Variants in KRAS observed in about 807,000 individuals in gnomAD.
KRAS encodes the protein GTPase KRas.
Under a neutral mutation model 21.0 loss-of-function variants are expected in KRAS, and 1 was observed. The ratio of observed to expected loss-of-function variants is 0.05; its 90% CI spans 0.02 to 0.23. The LOEUF (loss-of-function observed/expected upper bound fraction) is 0.23. KRAS is among the 10% of genes least tolerant of loss of function. The probability of loss-of-function intolerance (pLI) is 1.00; values close to 1 mark genes in which losing one functional copy is unlikely to be tolerated. For missense variants in KRAS, 107 were observed against 221.8 expected, an observed-to-expected ratio of 0.48 and a Z score of 3.29; for synonymous variants, 67 against 72.5, an observed-to-expected ratio of 0.92 and a Z score of 0.39.
intron 2 of KRAS, chr12:25,235,340 A>G (rs1811475709): frequency 4.9e-6 from 2 of 404,260 alleles, no homozygotes; most frequent in Admixed American, 4.0e-5. Flanking sequence ...CTTTCCGTTT[A>G]TAAGCCATCA....
intron 4 of KRAS, among the ~76,000 whole-genome samples, chr12:25,214,616 T>C (rs1951233993): frequency 6.6e-6 from 1 of 152,116 alleles, no homozygotes; most frequent in African/African-American, 2.4e-5. Flanking sequence ...CTTGAACTCC[T>C]GACCTCAGGT....
chr12:25,235,912 T>C (rs1442318554), intron 2 of KRAS, among the ~76,000 whole-genome samples: 1 of 152,144 alleles, frequency 6.6e-6, no homozygotes, highest in Non-Finnish European at 1.5e-5. Context: ...CTAAGGAGTA[T>C]GCAACCTAGA....
chr12:25,205,940 C>T lies in KRAS; in HGVS notation c.*3855G>A, dbSNP rs1207398597. ...CTATCCAGTATTAACACAGAAGTTA[C>T]TAAATATAAATTCAGCTTTAAGGTA... On this transcript the variant is annotated 3_prime_UTR_variant, in exon 5 of 5. Coordinates refer to ENST00000311936, the MANE Select transcript of KRAS (RefSeq NM_004985.5). 2 of 214,294 alleles carry T rather than the reference C, an allele frequency of 9.3e-6. No individual in the cohort carries two copies. Among genetic ancestry groups the T allele is most frequent in the East Asian group, 1.4e-4 (2 of 14,148 alleles). The allele number at this position is 214,294 out of a possible 1,614,324, so 13.3% of individuals were successfully genotyped here.
At chr12:25,220,762 C>G (rs1233800933) in intron 4 of KRAS, among the ~76,000 whole-genome samples, 1 of 150,152 alleles carries the variant, frequency 6.7e-6, no homozygotes, top group Non-Finnish European at 1.5e-5. Flanking sequence ...CAGTGACTCA[C>G]GTCTGTAATC....
rs60570642 is a variant in KRAS, at chr12:25,222,864, A to G, written c.450+2750T>C. 3.5e-3 allele frequency among the ~76,000 whole-genome samples: 527 copies of G among 152,332 alleles called. 8 individuals are homozygous for G. The highest frequency in any genetic ancestry group is 0.012 in the African/African-American group (508 of 41,580). Reference sequence around the variant, plus strand: ...ATCATACAACCACCAAAAAGGAGACACAGCTATTTTAGGATATTATCAAAT... The same window carrying G: ...ATCATACAACCACCAAAAAGGAGACGCAGCTATTTTAGGATATTATCAAAT... On this transcript the variant is annotated intron_variant, in intron 4 of 4. Coordinates refer to ENST00000311936, the MANE Select transcript of KRAS (RefSeq NM_004985.5).
chr12:25,227,124 T>C (rs1391460629), intron 3 of KRAS, 110 bp downstream of exon 3: 1 of 709,984 alleles, frequency 1.4e-6, no homozygotes. Flanking sequence ...TCATAAACAT[T>C]ATTTAAAAAT....
rs565498789 is a variant in KRAS at position 25,250,776 on chromosome 12, G to A, written c.-37C>T. 9 of 205,318 alleles carry A rather than the reference G, an allele frequency of 4.4e-5. No homozygotes were observed. The highest frequency in any genetic ancestry group is 1.2e-4 in the Admixed American group (2 of 16,596). 12.7% of individuals were successfully genotyped at this position (205,318 alleles called of 1,614,324 possible). Reference sequence around the variant, plus strand: ...CTCTCTCCCGCACCTGGGAGCCGCTGAGCCTCTGGCCCCGCCGCCGCCTTC... The same window carrying A: ...CTCTCTCCCGCACCTGGGAGCCGCTAAGCCTCTGGCCCCGCCGCCGCCTTC... On this transcript the variant is annotated 5_prime_UTR_variant, in exon 1 of 5. Coordinates refer to ENST00000311936, the MANE Select transcript of KRAS (RefSeq NM_004985.5).
chr12:25,242,563 T>TTTTATGTAGCTTGTA (rs1951624149), intron 2 of KRAS, among the ~76,000 whole-genome samples: 17 of 152,256 alleles, frequency 1.1e-4, no homozygotes, highest in Admixed American at 9.2e-4. Flanking sequence ...CAATATATAC[T>TTTTATGTAGCTTGTA]TCACAATACA....
chr12:25,233,346 T>C (rs1257075366), intron 2 of KRAS, among the ~76,000 whole-genome samples: 1 of 151,238 alleles, frequency 6.6e-6, no homozygotes, highest in Non-Finnish European at 1.5e-5. Flanking sequence ...AGGTCAAGAG[T>C]TCAAGACCAG....
Position 25,208,147 on chromosome 12 carries a change from GAATAT to G in KRAS, c.*1643_*1647del, listed in dbSNP as rs1394435507. 1 of 226,426 alleles carries G rather than the reference GAATAT, an allele frequency of 4.4e-6. No individual in the cohort carries two copies. The highest frequency in any genetic ancestry group is 6.0e-5 in the Admixed American group (1 of 16,590). The allele number at this position is 226,426 out of a possible 1,614,324, so 14.0% of individuals were successfully genotyped here. A position where few individuals can be genotyped will look rare whatever the true frequency, so the allele number is the denominator to read the frequency against. On this transcript the variant is annotated 3_prime_UTR_variant, in exon 5 of 5. Transcript: ENST00000311936. ...AAATAAGTGTATCCTTATGTAAATG[GAATAT>G]AAATTACATAGTTGTAAAAAAAAAA...
At position 25,227,036 on chromosome 12, in the gene KRAS, C is replaced by T. The variant is rs1951402616; in HGVS notation, c.290+198G>A. On this transcript the variant is annotated intron_variant, in intron 3 of 4. Transcript: ENST00000311936. Reference sequence around the variant, plus strand: ...GTTTCAATCCCAGCACCACCACTACCGATGCAGTCTGGAGCAAGTTACTCC... The same window carrying T: ...GTTTCAATCCCAGCACCACCACTACTGATGCAGTCTGGAGCAAGTTACTCC... Among the ~76,000 whole-genome samples the T allele has an allele frequency of 3.9e-5, 6 of 152,184 alleles. No individual in the cohort carries two copies. In the South Asian group the frequency reaches 1.0e-3, roughly 26 times the overall value.
Position 25,228,178 on chromosome 12 carries a change from CT to C in KRAS, c.112-767del, listed in dbSNP as rs34584556. The stretch of plus-strand genomic sequence containing the variant: ...GATTTTGGATTTTTTTTTCTTTCAT[CT>C]TTTTTTTTTTTTTTTTTTTTTTGGA... On this transcript the variant is annotated intron_variant, in intron 2 of 4. Coordinates refer to ENST00000311936, the MANE Select transcript of KRAS (RefSeq NM_004985.5). 9.4e-3 allele frequency among the ~76,000 whole-genome samples: 722 copies of C among 76,766 alleles called. 6 individuals are homozygous for C. In the East Asian group the frequency reaches 0.11, roughly 11 times the overall value. 50.4% of individuals were successfully genotyped at this position (76,766 alleles called of 152,430 possible). A position where few individuals can be genotyped will look rare whatever the true frequency, so the allele number is the denominator to read the frequency against.
chr12:25,235,358 T>C, intron 2 of KRAS: 1 of 367,660 alleles, frequency 2.7e-6, no homozygotes, highest in Non-Finnish European at 5.0e-6. Flanking sequence ...TCAAAGACGG[T>C]TGTAGACTGT....
chr12:25,237,085 C>T (rs1951553229), intron 2 of KRAS, among the ~76,000 whole-genome samples: 1 of 152,102 alleles, frequency 6.6e-6, no homozygotes, highest in Non-Finnish European at 1.5e-5. Context: ...GAATGATCAA[C>T]AAGCAAAAAC....
intron 4 of KRAS, among the ~76,000 whole-genome samples, chr12:25,214,294 A>G (rs944752567): frequency 6.6e-6 from 1 of 152,216 alleles, no homozygotes; most frequent in South Asian, 2.1e-4. Flanking sequence ...GTTTTTAGAT[A>G]TAAGACCAAA....
rs200098607 is a variant in KRAS, at chr12:25,206,055, TA to T, written c.*3739del. The T allele has an allele frequency of 5.3e-4, 107 of 203,428 alleles. No homozygotes were observed. Among genetic ancestry groups the T allele is most frequent in the Non-Finnish European group, 7.1e-4 (71 of 100,678 alleles). 12.6% of individuals were successfully genotyped at this position (203,428 alleles called of 1,614,324 possible). The stretch of plus-strand genomic sequence containing the variant: ...AAATCTTCAGATAGTTTTTGCTGTC[TA>T]AAAAAAAATCCCCTAAAAAAAGTTA... On this transcript the variant is annotated 3_prime_UTR_variant, in exon 5 of 5. Transcript: ENST00000311936.
rs1951176897 is a variant in KRAS at position 25,209,205 on chromosome 12, A to G, written c.*590T>C. ...TTTTTCTTTTTATAGAAAAAATATA[A>G]TATTTTGGGGAGAGTGACCATGACT... On this transcript the variant is annotated 3_prime_UTR_variant, in exon 5 of 5. Coordinates refer to ENST00000311936, the MANE Select transcript of KRAS (RefSeq NM_004985.5). 1 of 672,254 alleles carries G rather than the reference A, an allele frequency of 1.5e-6. No homozygotes were observed. Among genetic ancestry groups the G allele is most frequent in the South Asian group, 1.7e-5 (1 of 60,016 alleles). 41.6% of individuals were successfully genotyped at this position (672,254 alleles called of 1,614,324 possible).
At chr12:25,235,131 T>C in intron 2 of KRAS, 1 of 450,622 alleles carries the variant, frequency 2.2e-6, no homozygotes, top group East Asian at 3.2e-5. Context: ...GCTGAAAATG[T>C]CAATAATGTA....
At chr12:25,221,527 G>A (rs1280634689) in intron 4 of KRAS, among the ~76,000 whole-genome samples, 1 of 152,042 alleles carries the variant, frequency 6.6e-6, no homozygotes, top group East Asian at 1.9e-4. Context: ...ATGAGCCACA[G>A]CATGCGGCCA....
Sources: gnomAD v4.1 joint callset for allele counts (sites outside exome capture counted in the v4.1 genomes callset) on GRCh38, gnomAD v4.1.1 for gene constraint, MANE v1.5 for transcripts, NCBI Gene and HGNC (gene_info 2026-07-23, HGNC 2026-07-21) for gene names.